The following MACF1 variants were observed in gnomAD, a reference collection of about 807,000 sequenced individuals.
The protein encoded by MACF1 is microtubule actin crosslinking factor 1.
MACF1 carries 193 observed loss-of-function variants against 854.8 expected under a neutral mutation model. The observed-to-expected ratio is 0.23, with a 90% confidence interval of 0.20 to 0.25. MACF1 has a LOEUF of 0.25. Among genes scored for constraint, MACF1 ranks in the 10% least tolerant of loss-of-function variants. The pLI is 1.00. For synonymous variants in MACF1, 3,185 were observed against 3,226.7 expected (o/e 0.99, Z 0.44); for missense variants, 7,722 against 8,929.1 (o/e 0.86, Z 5.45).
At chr1:39,352,488 A>C (rs1415182174) in intron 43 of MACF1, among the ~76,000 whole-genome samples, 2 of 152,200 alleles carry the variant, frequency 1.3e-5, no homozygotes, top group Non-Finnish European at 2.9e-5. Flanking sequence ...GCAGGACTAA[A>C]TGACCTCTAA....
intron 47 of MACF1, among the ~76,000 whole-genome samples, chr1:39,360,449 ATAAC>A (rs1648091044): frequency 6.6e-6 from 1 of 152,110 alleles, no homozygotes; most frequent in Admixed American, 6.5e-5. Flanking sequence ...TATGCAGTAA[ATAAC>A]TAATGCTTAT....
intron 58 of MACF1, among the ~76,000 whole-genome samples, chr1:39,408,314 G>A (rs1288423086): frequency 3.9e-5 from 6 of 152,220 alleles, no homozygotes; most frequent in Admixed American, 3.3e-4. Context: ...GGTAGAATGT[G>A]CCTAGAGTTA....
intron 2 of MACF1, among the ~76,000 whole-genome samples, chr1:39,133,041 G>A (rs894607060): frequency 3.9e-5 from 6 of 152,146 alleles, no homozygotes; most frequent in East Asian, 1.9e-4. Context: ...GCCTAAATCC[G>A]CTGGAGAGCA....
intron 5 of MACF1, 92 bp from the exon 6 acceptor site, chr1:39,257,844 G>C: frequency 1.1e-6 from 1 of 915,002 alleles, no homozygotes; most frequent in Non-Finnish European, 1.7e-6. Flanking sequence ...AAAGAAATCA[G>C]TTTAACTGTA....
chr1:39,201,911 C>G (rs1436529717), upstream of MACF1, among the ~76,000 whole-genome samples: 1 of 142,914 alleles, frequency 7.0e-6, no homozygotes, highest in Non-Finnish European at 1.5e-5. Flanking sequence ...TGTTCTTTGG[C>G]TTATCCATTC....
Position 39,283,503 on chromosome 1 carries a change from G to C in MACF1, c.903G>C (p.Gly301=). ...CTAAAGTTCCTGAGGGTGGAGAAGG[G>C]ATCAGTGCTACGGTAAAAGAACATT... is the stretch of plus-strand genomic sequence containing the variant. The part of the protein sequence containing the change: ...AFPKVPEGGE[G]ISATEVDSRW... The change falls in exon 9 of 101, where the codon GGG becomes GGC. Residue 301 remains glycine, a synonymous_variant. Transcript: ENST00000564288. This position sits in a 1 kb window ranked among gnomAD's most constrained non-coding sequence, Gnocchi z 4.5. 6.2e-7 allele frequency: 1 copy of C among 1,601,550 alleles called. No individual in the cohort carries two copies. The highest frequency in any genetic ancestry group is 1.3e-5 in the African/African-American group (1 of 74,734).
intron 2 of MACF1, chr1:39,102,953 C>T: frequency 1.4e-6 from 1 of 701,512 alleles, no homozygotes. Flanking sequence ...GTAAAATTTT[C>T]TCTGTATAAA....
chr1:39,358,723 T>C lies in MACF1; in HGVS notation c.11970T>C (p.Asn3990=). ...GTACACGATTAGGATCTCACCTGAA[T>C]ATGCTGTTAGGCCAGTATCATCAAT... ...SKCTRLGSHL[N]MLLGQYHQFQ... is the part of the protein sequence containing the mutation. Residue 3990 remains asparagine (N), a synonymous_variant, in exon 46 of 101, where the codon AAT becomes AAC. Transcript: ENST00000564288. The C allele has an allele frequency of 6.2e-7, 1 of 1,614,132 alleles. No homozygotes were observed. The highest frequency in any genetic ancestry group is 2.2e-5 in the East Asian group (1 of 44,882).
chr1:39,186,264 A>G (rs1644172030), intron 2 of MACF1, among the ~76,000 whole-genome samples: 5 of 127,782 alleles, frequency 3.9e-5, no homozygotes, highest in Middle Eastern at 4.2e-3. Context: ...GGGGGGTGAA[A>G]TGACTTTTTT....
chr1:39,087,912 A>G (rs1641713675), intron 2 of MACF1, among the ~76,000 whole-genome samples: 1 of 151,820 alleles, frequency 6.6e-6, no homozygotes, highest in Non-Finnish European at 1.5e-5. Context: ...AGCAGGGATT[A>G]CAGGCGTGTG....
At chr1:39,202,550 G>A (rs764230877), upstream of MACF1, among the ~76,000 whole-genome samples, 4 of 151,550 alleles carry the variant, frequency 2.6e-5, no homozygotes, top group Non-Finnish European at 5.9e-5. Context: ...CAGGAGAATC[G>A]CTTGAAGCCG....
chr1:39,411,364 GC>G (rs1445346686), intron 58 of MACF1: 2 of 1,613,928 alleles, frequency 1.2e-6, no homozygotes, highest in African/African-American at 2.7e-5. Context: ...AAGAGAACAA[GC>G]AAACACAGCA....
chr1:39,355,769 T>G (rs1430715030), intron 44 of MACF1, among the ~76,000 whole-genome samples: 2 of 152,156 alleles, frequency 1.3e-5, no homozygotes, highest in African/African-American at 4.8e-5. Flanking sequence ...CAGCTTTTTT[T>G]TATTTTTTAA....
At chr1:39,355,214 A>G (rs1343574289) in intron 44 of MACF1, among the ~76,000 whole-genome samples, 1 of 152,182 alleles carries the variant, frequency 6.6e-6, no homozygotes, top group Non-Finnish European at 1.5e-5. Context: ...TGGTAGTCTT[A>G]TAAGAGGACA....
chr1:39,415,305 G>A (rs1416103846), intron 58 of MACF1, among the ~76,000 whole-genome samples: 18 of 151,324 alleles, frequency 1.2e-4, no homozygotes, highest in Admixed American at 1.2e-3. Flanking sequence ...ATGTCCTCTT[G>A]GGTCTCTCTT....
intron 36 of MACF1, among the ~76,000 whole-genome samples, chr1:39,329,921 C>G (rs1185599581): frequency 6.6e-6 from 1 of 152,188 alleles, no homozygotes. Context: ...TTTTCTGGGT[C>G]TGACTCTGGG....
At chr1:39,085,790 C>A (rs1641659813) in intron 2 of MACF1, among the ~76,000 whole-genome samples, 1 of 152,148 alleles carries the variant, frequency 6.6e-6, no homozygotes, top group South Asian at 2.1e-4. Flanking sequence ...AAATTACTTA[C>A]CTCTTCAGCT....
intron 79 of MACF1, 99 bp from the exon 80 acceptor site, chr1:39,444,563 A>T: frequency 1.0e-6 from 1 of 1,001,956 alleles, no homozygotes. Context: ...AATCAAGATG[A>T]GCCCTTCCTG....
intron 85 of MACF1, 141 bp from the exon 86 acceptor site, chr1:39,452,015 T>C: frequency 1.4e-6 from 1 of 715,956 alleles, no homozygotes; most frequent in Non-Finnish European, 2.2e-6. Context: ...GCCTGGTTGT[T>C]TTTTCTTATG....
Sources: gnomAD v4.1 joint callset for allele counts (sites outside exome capture counted in the v4.1 genomes callset) on GRCh38, gnomAD v4.1.1 for gene constraint, Gnocchi (gnomAD v3.1) non-coding constraint, MANE v1.5 for transcripts, NCBI Gene and HGNC (gene_info 2026-07-23, HGNC 2026-07-21) for gene names.